ADCK5: variants seen among roughly 807,000 people sequenced by gnomAD.
ADCK5 encodes aarF domain containing kinase 5.
In ADCK5, 43 loss-of-function variants were observed where a neutral mutation model predicts 64.9. That is an observed-to-expected ratio of 0.66 (90% CI 0.52 to 0.85). The LOEUF (loss-of-function observed/expected upper bound fraction) is 0.85, where lower values mean the gene tolerates loss of function less well. ADCK5 is among the 40% of genes least tolerant of loss of function. The pLI is 0.00. For synonymous variants in ADCK5, 434 were observed against 342.8 expected (o/e 1.27, Z -2.94); for missense variants, 760 against 810.5 (o/e 0.94, Z 0.76).
At chr8:144,375,571 C>G (rs575610301) in intron 1 of ADCK5, 1 of 985,414 alleles carries the variant, frequency 1.0e-6, no homozygotes, top group Non-Finnish European at 1.2e-6. Context: ...AAACCAGACA[C>G]GATCGGACAT....
In ADCK5 at chr8:144,384,553, C is replaced by T. The variant is rs539652696; in HGVS notation, c.266+1323C>T. Among the ~76,000 whole-genome samples, 263 of 152,314 alleles carry T rather than the reference C, an allele frequency of 1.7e-3. 2 individuals carry two copies. The highest frequency in any genetic ancestry group is 5.7e-3 in the African/African-American group (235 of 41,570). On this transcript the variant is annotated intron_variant, in intron 3 of 14. Transcript: ENST00000308860. This position sits in a 1 kb window ranked among gnomAD's most constrained non-coding sequence, Gnocchi z 5.7. ...TCTGTCTTGCAGGGCCATCCAGTCT[C>T]GCAGCCTGGGGTGGGTGACGACAGA...
intron 2 of ADCK5, among the ~76,000 whole-genome samples, chr8:144,382,410 G>T (rs1246124796): frequency 6.6e-6 from 1 of 152,232 alleles, no homozygotes; most frequent in Non-Finnish European, 1.5e-5. Context: ...GCTGTATTCA[G>T]CGAGTATTGG....
chr8:144,392,870 C>A lies in ADCK5; in HGVS notation c.1615C>A (p.Leu539Ile), dbSNP rs781929522. Residue 539 changes from leucine to isoleucine, a missense_variant, in exon 14 of 15, where the codon CTC (leucine) becomes ATC (isoleucine). Around this residue, in one of 2 missense-constraint regions of ADCK5, gnomAD observed 333 missense variants for 292.0 expected, o/e 1.14. Coordinates refer to ENST00000308860, the MANE Select transcript of ADCK5 (RefSeq NM_174922.5). ...CCACGCCAAGGTCGTCTGGGAGATG[C>A]TCAAGTTTGAAGTGGCGCTCAGGTG... ...LRHAKVVWEMLKFEVALRLET... is the reference protein window; with the variant it reads ...LRHAKVVWEMIKFEVALRLET... The A allele has an allele frequency of 1.6e-5, 26 of 1,601,546 alleles. No homozygotes were observed. The highest frequency in any genetic ancestry group is 2.1e-5 in the Non-Finnish European group (25 of 1,177,036).
intron 4 of ADCK5, 29 bp downstream of exon 4, chr8:144,390,775 G>A: frequency 6.2e-7 from 1 of 1,611,588 alleles, no homozygotes; most frequent in Non-Finnish European, 8.5e-7. Flanking sequence ...GGCACACAGT[G>A]GTGGGCATGA....
rs1554860623 is a variant in ADCK5 at position 144,391,575 on chromosome 8, C to T, written c.799-5C>T. On this transcript the variant is annotated splice_region_variant and splice_polypyrimidine_tract_variant and intron_variant, in intron 7 of 14. Transcript: ENST00000308860. ...GCTGGTCTTCAACCGCCATCTGGCC[C>T]CCAGGACCTGAAGGGGACCCTGGCC... The T allele has an allele frequency of 2.5e-6, 4 of 1,581,058 alleles. No individual in the cohort carries two copies. The South Asian group carries it at 3.4e-5, about 13-fold the overall frequency.
Position 144,391,747 on chromosome 8 carries a change from C to G in ADCK5, c.930+36C>G, listed in dbSNP as rs1052952798. 3 of 1,538,556 alleles carry G rather than the reference C, an allele frequency of 1.9e-6. No individual in the cohort carries two copies. The African/African-American group carries it at 4.1e-5, about 21-fold the overall frequency. On this transcript the variant is annotated intron_variant, in intron 8 of 14. Coordinates refer to ENST00000308860, the MANE Select transcript of ADCK5 (RefSeq NM_174922.5). Reference sequence around the variant, plus strand: ...CCAGGCCCTTGGGGTGGGCACAGCGCTGGGCCTGCTGAGCCCAGCCTCTTG... The same window carrying G: ...CCAGGCCCTTGGGGTGGGCACAGCGGTGGGCCTGCTGAGCCCAGCCTCTTG...
Position 144,392,891 on chromosome 8 carries a change from A to C in ADCK5, c.1636A>C (p.Arg546=), listed in dbSNP as rs1554861623. Reference sequence around the variant, plus strand: ...GATGCTCAAGTTTGAAGTGGCGCTCAGGTGAGTGGCCGCGGGGCAGGTGGG... The same window carrying C: ...GATGCTCAAGTTTGAAGTGGCGCTCCGGTGAGTGGCCGCGGGGCAGGTGGG... The part of the protein sequence containing the change: ...WEMLKFEVAL[R]LETLAMRLTA... The change falls in exon 14 of 15, where the codon AGG becomes CGG. Residue 546 remains arginine, a splice_region_variant and synonymous_variant. Transcript: ENST00000308860. 10 of 1,601,484 alleles carry C rather than the reference A, an allele frequency of 6.2e-6. No individual in the cohort carries two copies. The South Asian group carries it at 1.0e-4, about 16-fold the overall frequency.
intron 3 of ADCK5, among the ~76,000 whole-genome samples, chr8:144,389,630 C>T (rs1554859963): frequency 6.6e-6 from 1 of 152,124 alleles, no homozygotes; most frequent in Admixed American, 6.6e-5. Context: ...CTCCTGACTT[C>T]AAGTGATTCT....
chr8:144,381,695 G>A (rs1156679923), intron 2 of ADCK5, among the ~76,000 whole-genome samples: 1 of 151,292 alleles, frequency 6.6e-6, no homozygotes, highest in African/African-American at 2.4e-5. Context: ...TTATGGGCCG[G>A]GTGTAGAAAC....
At chr8:144,379,615 G>A in intron 2 of ADCK5, 125 bp downstream of exon 2, 1 of 797,474 alleles carries the variant, frequency 1.3e-6, no homozygotes, top group Non-Finnish European at 1.9e-6. Flanking sequence ...ACCAAGGCAG[G>A]ATATGTTTGC....
In ADCK5 at chr8:144,386,687, C is replaced by T. The variant is rs1032674068; in HGVS notation, c.266+3457C>T. On this transcript the variant is annotated intron_variant, in intron 3 of 14. Transcript: ENST00000308860. The stretch of plus-strand genomic sequence containing the variant: ...TGGAGTTTTTGTTGGGGTATTAATA[C>T]TTGGGCGGGATTGATTGAAAATCTC... Among the ~76,000 whole-genome samples the T allele has an allele frequency of 3.3e-5, 5 of 152,302 alleles. 1 individual carries two copies. Among genetic ancestry groups the T allele is most frequent in the Admixed American group, 3.3e-4 (5 of 15,294 alleles).
intron 11 of ADCK5, 32 bp downstream of exon 11, chr8:144,392,202 C>T: frequency 6.5e-7 from 1 of 1,535,808 alleles, no homozygotes. Context: ...TGGGGCAGGG[C>T]AAGCCTCTCC....
chr8:144,391,918 T>C (rs782716786), intron 9 of ADCK5, 23 bp from the exon 10 acceptor site: 21 of 1,611,568 alleles, frequency 1.3e-5, no homozygotes. Flanking sequence ...CTGTGTCCAC[T>C]GCAATGCCTC....
In ADCK5 at chr8:144,382,979, G is replaced by A. The variant is rs1453177858; in HGVS notation, c.117-102G>A. On this transcript the variant is annotated intron_variant, in intron 2 of 14. Transcript: ENST00000308860. ...GCTGACCACACGTCAGAATGGCTGT[G>A]CACACAGGAGTGAGACGTGGTGCTG... The A allele has an allele frequency of 4.7e-6, 7 of 1,474,150 alleles. No homozygotes were observed. The African/African-American group carries it at 9.8e-5, about 21-fold the overall frequency. The allele number at this position is 1,474,150 out of a possible 1,614,324, so 91.3% of individuals were successfully genotyped here. A position where few individuals can be genotyped will look rare whatever the true frequency, so the allele number is the denominator to read the frequency against.
At chr8:144,374,210 T>C in intron 1 of ADCK5, 103 bp downstream of exon 1, 1 of 1,105,960 alleles carries the variant, frequency 9.0e-7, no homozygotes, top group Non-Finnish European at 1.2e-6. Context: ...CCTCGGGGCT[T>C]TTTCCCTCTT....
At chr8:144,374,206 G>A (rs1210803521) in intron 1 of ADCK5, 99 bp downstream of exon 1, 2 of 1,154,664 alleles carry the variant, frequency 1.7e-6, no homozygotes, top group Non-Finnish European at 1.1e-6. Flanking sequence ...AGACCCTCGG[G>A]GCTTTTTCCC....
upstream of ADCK5, chr8:144,373,895 A>G: frequency 2.0e-6 from 1 of 506,034 alleles, no homozygotes; most frequent in Non-Finnish European, 3.0e-6. Context: ...GCCAAAAGGT[A>G]AGCCTCTGGG....
Position 144,384,273 on chromosome 8 carries a change from TTCTGCCTGCCTCCGAGCA to T in ADCK5, c.266+1050_266+1067del, listed in dbSNP as rs1819812311. Among the ~76,000 whole-genome samples the T allele has an allele frequency of 6.6e-6, 1 of 152,018 alleles. No homozygotes were observed. The highest frequency in any genetic ancestry group is 2.4e-5 in the African/African-American group (1 of 41,382). The stretch of plus-strand genomic sequence containing the variant: ...AGGAGGCAGGGAGGGTGTGGTCCTG[TTCTGCCTGCCTCCGAGCA>T]TCTGCCAGGCCTAGGTCAGTTTCTC... On this transcript the variant is annotated intron_variant, in intron 3 of 14. Coordinates refer to ENST00000308860, the MANE Select transcript of ADCK5 (RefSeq NM_174922.5). This position sits in a 1 kb window ranked among gnomAD's most constrained non-coding sequence, Gnocchi z 5.7.
At position 144,390,981 on chromosome 8, in the gene ADCK5, C is replaced by A. The variant is rs782787009; in HGVS notation, c.468C>A (p.Asn156Lys). The A allele has an allele frequency of 1.1e-5, 17 of 1,613,060 alleles. No homozygotes were observed. Among genetic ancestry groups the A allele is most frequent in the Non-Finnish European group, 1.4e-5 (17 of 1,179,998 alleles). Residue 156 changes from asparagine (N) to lysine (K), a missense_variant, in exon 5 of 15, where the codon AAC becomes AAA. By Grantham distance (94) the Asn-to-Lys change is moderately conservative. This residue lies in a region of ADCK5 where 427 missense variants were observed against 518.4 expected (regional missense o/e 0.82). Transcript: ENST00000308860. ...VKLGQGLCSF[N>K]HLLPPEYTRT... Reference sequence around the variant, plus strand: ...TGGGCCAGGGGCTGTGCTCCTTCAACCACCTGCTTCCCCCCGAGTATACCC... The same window carrying A: ...TGGGCCAGGGGCTGTGCTCCTTCAAACACCTGCTTCCCCCCGAGTATACCC...
Sources: gnomAD v4.1 joint callset for allele counts (sites outside exome capture counted in the v4.1 genomes callset) on GRCh38, gnomAD v4.1.1 for gene constraint, gnomAD v4.1.1 regional missense constraint, Gnocchi (gnomAD v3.1) non-coding constraint, MANE v1.5 for transcripts, NCBI Gene and HGNC (gene_info 2026-07-23, HGNC 2026-07-21) for gene names.